The following SOWAHB variants were observed in gnomAD, a reference collection of about 807,000 sequenced individuals.
SOWAHB encodes the protein sosondowah ankyrin repeat domain family member B, also known as ankyrin repeat domain-containing protein SOWAHB.
SOWAHB carries 17 observed loss-of-function variants against 18.3 expected under a neutral mutation model. The observed-to-expected ratio is 0.93, with a 90% confidence interval of 0.64 to 1.40. SOWAHB has a LOEUF of 1.40. SOWAHB is among the 40% of genes most tolerant of loss of function. The pLI is 0.00. For synonymous variants in SOWAHB, 496 were observed against 448.1 expected, an observed-to-expected ratio of 1.11 and a Z score of -1.35; for missense variants, 1,126 against 1,033.7, an observed-to-expected ratio of 1.09 and a Z score of -1.22.
Position 76,897,635 on chromosome 4 carries a change from A to T in SOWAHB, c.215T>A (p.Val72Glu). 5 of 1,612,084 alleles carry T rather than the reference A, an allele frequency of 3.1e-6. No homozygotes were observed. The highest frequency in any genetic ancestry group is 4.2e-6 in the Non-Finnish European group (5 of 1,179,848). The change falls in exon 1 of 1, where the codon GTG (valine) becomes GAG (glutamate). Residue 72 changes from valine (V) to glutamate (E), a missense_variant. Val to Glu is a moderately radical substitution (Grantham distance 121). Coordinates refer to ENST00000334306, the MANE Select transcript of SOWAHB (RefSeq NM_001029870.3). The surrounding 1 kb of genome is among the most constrained non-coding windows in gnomAD (Gnocchi z 6.4). The stretch of plus-strand genomic sequence containing the variant: ...AAGGTCCCTGTATCTCCTCTTGAGC[A>T]CCACGTACTTGGTGCCGTCGGGGTC... The part of the protein sequence containing the change: ...RQDPDGTKYV[V>E]LKRRYRDLLG...
rs772504558 is a variant in SOWAHB, at chr4:76,897,430, G to C, written c.420C>G (p.Ala140=). 3.3e-6 allele frequency: 5 copies of C among 1,514,846 alleles called. No individual in the cohort carries two copies. The highest frequency in any genetic ancestry group is 4.4e-6 in the Non-Finnish European group (5 of 1,138,738). 93.8% of individuals were successfully genotyped at this position (1,514,846 alleles called of 1,614,324 possible). Residue 140 remains alanine (A), a synonymous_variant, in exon 1 of 1, where the codon GCC becomes GCG. Transcript: ENST00000334306. This position sits in a 1 kb window ranked among gnomAD's most constrained non-coding sequence, Gnocchi z 6.4. ...EEEPAGAAAR[A]ADAACNGLPG... is the part of the protein sequence containing the mutation. The stretch of plus-strand genomic sequence containing the variant: ...GGAGTCCATTGCAAGCTGCGTCGGC[G>C]GCTCTGGCTGCTGCACCTGCTGGCT...
At position 76,897,474 on chromosome 4, in the gene SOWAHB, C is replaced by G. The variant is rs1028464457; in HGVS notation, c.376G>C (p.Glu126Gln). The change falls in exon 1 of 1, where the codon GAG becomes CAG. Residue 126 changes from glutamate to glutamine, a missense_variant. Coordinates refer to ENST00000334306, the MANE Select transcript of SOWAHB (RefSeq NM_001029870.3). The surrounding 1 kb of genome is among the most constrained non-coding windows in gnomAD (Gnocchi z 6.4). ...PQQQPRRRRREKEPEEEPAGA... is the reference protein window; with the variant it reads ...PQQQPRRRRRQKEPEEEPAGA... ...GCTGGCTCCTCCTCCGGCTCCTTCT[C>G]GCGCCGCCGCCGCCTGGGCTGCTGC... The G allele has an allele frequency of 2.0e-6, 3 of 1,487,578 alleles. No homozygotes were observed. The highest frequency in any genetic ancestry group is 2.7e-6 in the Non-Finnish European group (3 of 1,126,238). The allele number at this position is 1,487,578 out of a possible 1,614,324, so 92.1% of individuals were successfully genotyped here.
In SOWAHB at chr4:76,896,042, T is replaced by G. The variant is rs906269985; in HGVS notation, c.1808A>C (p.Lys603Thr). 1.9e-6 allele frequency: 3 copies of G among 1,610,494 alleles called. No individual in the cohort carries two copies. Among genetic ancestry groups the G allele is most frequent in the African/African-American group, 2.7e-5 (2 of 74,828 alleles). ...LDAREHEWIV[K>T]LASGSWIQVW... ...CTGAATCCAGGAGCCACTGGCAAGC[T>G]TCACAATCCACTCATGCTCCCTGGC... The change falls in exon 1 of 1, where the codon AAG becomes ACG. Residue 603 changes from lysine to threonine, a missense_variant. Coordinates refer to ENST00000334306, the MANE Select transcript of SOWAHB (RefSeq NM_001029870.3).
chr4:76,895,963 C>G lies in SOWAHB; in HGVS notation c.1887G>C (p.Leu629Phe). 4.3e-6 allele frequency: 7 copies of G among 1,614,120 alleles called. No individual in the cohort carries two copies. Among genetic ancestry groups the G allele is most frequent in the East Asian group, 2.2e-5 (1 of 44,876 alleles). ...TCCAGTGCAACGCAGTGTACCCAGT[C>G]AAAAAGTCTTTGTGCAAGGCCAGTT... ...DPQLALHKDF[L>F]TGYTALHWIA... is the part of the protein sequence containing the mutation. The change falls in exon 1 of 1, where the codon TTG becomes TTC. Residue 629 changes from leucine to phenylalanine, a missense_variant. Coordinates refer to ENST00000334306, the MANE Select transcript of SOWAHB (RefSeq NM_001029870.3).
Position 76,897,104 on chromosome 4 carries a change from G to T in SOWAHB, c.746C>A (p.Pro249Gln). Residue 249 changes from proline (P) to glutamine (Q), a missense_variant, in exon 1 of 1, where the codon CCG becomes CAG. Coordinates refer to ENST00000334306, the MANE Select transcript of SOWAHB (RefSeq NM_001029870.3). This position sits in a 1 kb window ranked among gnomAD's most constrained non-coding sequence, Gnocchi z 6.4. ...REREEGALAE[P>Q]APVPAVAHSP... ...GTGAGCCACTGCAGGCACAGGCGCC[G>T]GCTCAGCTAGCGCGCCTTCTTCCCG... The T allele has an allele frequency of 1.3e-6, 2 of 1,537,582 alleles. No individual in the cohort carries two copies. The highest frequency in any genetic ancestry group is 3.4e-4 in the Middle Eastern group (2 of 5,934).
Position 76,895,718 on chromosome 4 carries a change from A to C in SOWAHB, c.2132T>G (p.Leu711Arg), listed in dbSNP as rs1719894103. The C allele has an allele frequency of 1.2e-6, 2 of 1,614,134 alleles. No individual in the cohort carries two copies. Among genetic ancestry groups the C allele is most frequent in the Non-Finnish European group, 1.7e-6 (2 of 1,180,054 alleles). Reference sequence around the variant, plus strand: ...TATTTCCCCAGAGGTATTACTGGTTAGATACTGCCATGGCTTCTTCCCACT... The same window carrying C: ...TATTTCCCCAGAGGTATTACTGGTTCGATACTGCCATGGCTTCTTCCCACT... ...DSSGKKPWQY[L>R]TSNTSGEIWQ... is the part of the protein sequence containing the mutation. Residue 711 changes from leucine to arginine, a missense_variant, in exon 1 of 1, where the codon CTA becomes CGA. By Grantham distance (102) the Leu-to-Arg change is moderately radical (BLOSUM62 -2). Transcript: ENST00000334306.
At position 76,896,512 on chromosome 4, in the gene SOWAHB, C is replaced by G. The variant is rs144168746; in HGVS notation, c.1338G>C (p.Arg446=). The G allele has an allele frequency of 1.1e-5, 18 of 1,612,952 alleles. No homozygotes were observed. In the African/African-American group the frequency reaches 2.3e-4, roughly 20 times the overall value. ...RNPAGGLSVS[R]KEGSPSRSPQ... ...GGCTCCGGCTGGGGCTGCCCTCCTT[C>G]CGAGATACAGAAAGGCCCCCAGCTG... is the stretch of plus-strand genomic sequence containing the variant. The change falls in exon 1 of 1, where the codon CGG becomes CGC. Residue 446 remains arginine, a synonymous_variant. Coordinates refer to ENST00000334306, the MANE Select transcript of SOWAHB (RefSeq NM_001029870.3).
rs768462761 is a variant in SOWAHB, at chr4:76,895,878, C to T, written c.1972G>A (p.Gly658Arg). Residue 658 changes from glycine to arginine, a missense_variant, in exon 1 of 1, where the codon GGG (glycine) becomes AGG (arginine). By Grantham distance (125) the Gly-to-Arg change is moderately radical. Transcript: ENST00000334306. Reference sequence around the variant, plus strand: ...CTCACGTTTACATCAAGGACAATCCCTGCCTTCTTTGCTCCAGACACCAAG... The same window carrying T: ...CTCACGTTTACATCAAGGACAATCCTTGCCTTCTTTGCTCCAGACACCAAG... ...QDLVSGAKKA[G>R]IVLDVNVRSS... 2.5e-6 allele frequency: 4 copies of T among 1,614,232 alleles called. No homozygotes were observed. The East Asian group carries it at 6.7e-5, about 27-fold the overall frequency.
In SOWAHB at chr4:76,896,399, G is replaced by A. The variant is rs1158767092; in HGVS notation, c.1451C>T (p.Pro484Leu). ...ANGLAGHPLK[P>L]LPWPVPKLRR... Reference sequence around the variant, plus strand: ...TAACTTAGGAACTGGCCAAGGCAAAGGCTTCAGGGGGTGGCCTGCAAGGCC... The same window carrying A: ...TAACTTAGGAACTGGCCAAGGCAAAAGCTTCAGGGGGTGGCCTGCAAGGCC... Residue 484 changes from proline to leucine, a missense_variant, in exon 1 of 1, where the codon CCT (proline) becomes CTT (leucine). Coordinates refer to ENST00000334306, the MANE Select transcript of SOWAHB (RefSeq NM_001029870.3). The A allele has an allele frequency of 2.5e-6, 4 of 1,599,500 alleles. No homozygotes were observed. The African/African-American group carries it at 4.0e-5, about 16-fold the overall frequency.
Position 76,897,687 on chromosome 4 carries a change from C to T in SOWAHB, c.163G>A (p.Val55Ile), listed in dbSNP as rs757666923. Reference protein sequence around the residue: ...QHRRELFKGFVNSVAAVRQDP... With the variant: ...QHRRELFKGFINSVAAVRQDP... ...TGGCGCACTGCGGCGACCGAGTTGACGAAGCCCTTGAAGAGCTCGCGGCGG... is the reference window on the plus strand; with the variant it reads ...TGGCGCACTGCGGCGACCGAGTTGATGAAGCCCTTGAAGAGCTCGCGGCGG... Residue 55 changes from valine (V) to isoleucine (I), a missense_variant, in exon 1 of 1, where the codon GTC (valine) becomes ATC (isoleucine). Val to Ile is a conservative substitution (Grantham distance 29). Coordinates refer to ENST00000334306, the MANE Select transcript of SOWAHB (RefSeq NM_001029870.3). This position sits in a 1 kb window ranked among gnomAD's most constrained non-coding sequence, Gnocchi z 6.4. 1 of 1,612,046 alleles carries T rather than the reference C, an allele frequency of 6.2e-7. No homozygotes were observed. The highest frequency in any genetic ancestry group is 1.1e-5 in the South Asian group (1 of 91,070).
rs1161733351 is a variant in SOWAHB at position 76,897,803 on chromosome 4, T to C, written c.47A>G (p.Gln16Arg). ...AGCGTTGGTCACGCGGCCCCCAGCC[T>C]GGCACAGAAAGTCCAGTAGTGCCTC... is the stretch of plus-strand genomic sequence containing the variant. ...SQEALLDFLC[Q>R]AGGRVTNAAL... is the part of the protein sequence containing the mutation. The change falls in exon 1 of 1, where the codon CAG becomes CGG. Residue 16 changes from glutamine (Q) to arginine (R), a missense_variant. By Grantham distance (43) the Gln-to-Arg change is conservative. Transcript: ENST00000334306. The surrounding 1 kb of genome is among the most constrained non-coding windows in gnomAD (Gnocchi z 6.4). The C allele has an allele frequency of 6.2e-7, 1 of 1,600,672 alleles. No individual in the cohort carries two copies. Among genetic ancestry groups the C allele is most frequent in the Non-Finnish European group, 8.5e-7 (1 of 1,179,840 alleles).
Position 76,896,394 on chromosome 4 carries a change from G to T in SOWAHB, c.1456C>A (p.Pro486Thr). ...CTCCTTAACTTAGGAACTGGCCAAGGCAAAGGCTTCAGGGGGTGGCCTGCA... is the reference window on the plus strand; with the variant it reads ...CTCCTTAACTTAGGAACTGGCCAAGTCAAAGGCTTCAGGGGGTGGCCTGCA... Reference protein sequence around the residue: ...GLAGHPLKPLPWPVPKLRRSL... With the variant: ...GLAGHPLKPLTWPVPKLRRSL... The change falls in exon 1 of 1, where the codon CCT becomes ACT. Residue 486 changes from proline (P) to threonine (T), a missense_variant. Pro to Thr is a conservative substitution (Grantham distance 38). Coordinates refer to ENST00000334306, the MANE Select transcript of SOWAHB (RefSeq NM_001029870.3). 6.3e-7 allele frequency: 1 copy of T among 1,599,540 alleles called. No homozygotes were observed. Among genetic ancestry groups the T allele is most frequent in the African/African-American group, 1.3e-5 (1 of 74,340 alleles).
chr4:76,898,072 G>T lies in SOWAHB; in HGVS notation c.-223C>A, dbSNP rs1719980608. The T allele has an allele frequency of 1.9e-6, 1 of 534,618 alleles. No individual in the cohort carries two copies. The highest frequency in any genetic ancestry group is 3.3e-6 in the Non-Finnish European group (1 of 307,568). The allele number at this position is 534,618 out of a possible 1,614,324, so 33.1% of individuals were successfully genotyped here. A position where few individuals can be genotyped will look rare whatever the true frequency, so the allele number is the denominator to read the frequency against. The stretch of plus-strand genomic sequence containing the variant: ...AGGCTGAGTCCCCGCGGCAGTCTGC[G>T]TGAGAGAGGGCGGCTCCGAGGCCGC... On this transcript the variant is annotated 5_prime_UTR_variant, in exon 1 of 1. Coordinates refer to ENST00000334306, the MANE Select transcript of SOWAHB (RefSeq NM_001029870.3).
In SOWAHB at chr4:76,894,738, A is replaced by C. The variant is rs1359717304; in HGVS notation, c.*730T>G. 6.6e-6 allele frequency among the ~76,000 whole-genome samples: 1 copy of C among 152,210 alleles called. No homozygotes were observed. Among genetic ancestry groups the C allele is most frequent in the East Asian group, 1.9e-4 (1 of 5,194 alleles). On this transcript the variant is annotated 3_prime_UTR_variant, in exon 1 of 1. Coordinates refer to ENST00000334306, the MANE Select transcript of SOWAHB (RefSeq NM_001029870.3). ...TCCCTTCGGGTTGATACAAAAAAGC[A>C]GGGCCTGAATGACAGTCATTCCTCT...
Position 76,898,050 on chromosome 4 carries a change from C to G in SOWAHB, c.-201G>C, listed in dbSNP as rs894514702. The G allele has an allele frequency of 1.8e-6, 1 of 571,416 alleles. No homozygotes were observed. The highest frequency in any genetic ancestry group is 3.0e-6 in the Non-Finnish European group (1 of 330,628). The allele number at this position is 571,416 out of a possible 1,614,324, so 35.4% of individuals were successfully genotyped here. On this transcript the variant is annotated 5_prime_UTR_variant, in exon 1 of 1. Transcript: ENST00000334306. ...GGGTCCCCTCCGGGTGGCCCCAAGGCTGAGTCCCCGCGGCAGTCTGCGTGA... is the reference window on the plus strand; with the variant it reads ...GGGTCCCCTCCGGGTGGCCCCAAGGGTGAGTCCCCGCGGCAGTCTGCGTGA...
At position 76,897,211 on chromosome 4, in the gene SOWAHB, G is replaced by A. The variant is rs1204013646; in HGVS notation, c.639C>T (p.Gly213=). 13 of 1,581,972 alleles carry A rather than the reference G, an allele frequency of 8.2e-6. No homozygotes were observed. The highest frequency in any genetic ancestry group is 1.1e-5 in the South Asian group (1 of 87,856). Residue 213 remains glycine (G), a synonymous_variant, in exon 1 of 1, where the codon GGC becomes GGT. Coordinates refer to ENST00000334306, the MANE Select transcript of SOWAHB (RefSeq NM_001029870.3). This position sits in a 1 kb window ranked among gnomAD's most constrained non-coding sequence, Gnocchi z 6.4. The part of the protein sequence containing the change: ...NNLAVLPGEL[G]ALPHSATAEE... Reference sequence around the variant, plus strand: ...CCGCGGTGGCCGAGTGCGGGAGTGCGCCGAGCTCTCCCGGCAGTACAGCCA... The same window carrying A: ...CCGCGGTGGCCGAGTGCGGGAGTGCACCGAGCTCTCCCGGCAGTACAGCCA...
chr4:76,897,428 G>A lies in SOWAHB; in HGVS notation c.422C>T (p.Ala141Val). The A allele has an allele frequency of 4.6e-6, 7 of 1,517,384 alleles. No individual in the cohort carries two copies. Among genetic ancestry groups the A allele is most frequent in the Non-Finnish European group, 6.1e-6 (7 of 1,139,772 alleles). The allele number at this position is 1,517,384 out of a possible 1,614,324, so 94.0% of individuals were successfully genotyped here. Reference protein sequence around the residue: ...EEPAGAAARAADAACNGLPGS... With the variant: ...EEPAGAAARAVDAACNGLPGS... The stretch of plus-strand genomic sequence containing the variant: ...CGGGAGTCCATTGCAAGCTGCGTCG[G>A]CGGCTCTGGCTGCTGCACCTGCTGG... The change falls in exon 1 of 1, where the codon GCC (alanine) becomes GTC (valine). Residue 141 changes from alanine to valine, a missense_variant. Ala to Val is a moderately conservative substitution (Grantham distance 64). Coordinates refer to ENST00000334306, the MANE Select transcript of SOWAHB (RefSeq NM_001029870.3). This position sits in a 1 kb window ranked among gnomAD's most constrained non-coding sequence, Gnocchi z 6.4.
At position 76,897,292 on chromosome 4, in the gene SOWAHB, G is replaced by A. The variant is rs13146119; in HGVS notation, c.558C>T (p.Ser186=). The change falls in exon 1 of 1, where the codon AGC becomes AGT. Residue 186 remains serine (S), a synonymous_variant. Coordinates refer to ENST00000334306, the MANE Select transcript of SOWAHB (RefSeq NM_001029870.3). The surrounding 1 kb of genome is among the most constrained non-coding windows in gnomAD (Gnocchi z 6.4). ...GGCCCTGCGTCTTCGCCGCCGCGCA[G>A]CTCGCTCTCGCCTGGGCCCCTGCCG... ...AAAAGAQARA[S]CAAAKTQGRC... is the part of the protein sequence containing the mutation. 2 of 1,542,494 alleles carry A rather than the reference G, an allele frequency of 1.3e-6. No individual in the cohort carries two copies. The highest frequency in any genetic ancestry group is 1.7e-6 in the Non-Finnish European group (2 of 1,150,762).
chr4:76,896,315 T>G lies in SOWAHB; in HGVS notation c.1535A>C (p.Glu512Ala). 6.2e-7 allele frequency: 1 copy of G among 1,606,968 alleles called. No individual in the cohort carries two copies. The highest frequency in any genetic ancestry group is 2.2e-5 in the East Asian group (1 of 44,610). The change falls in exon 1 of 1, where the codon GAG becomes GCG. Residue 512 changes from glutamate to alanine, a missense_variant. By Grantham distance (107) the Glu-to-Ala change is moderately radical. Coordinates refer to ENST00000334306, the MANE Select transcript of SOWAHB (RefSeq NM_001029870.3). Reference protein sequence around the residue: ...AGRAKLSSSDEEYLDEGLLKR... With the variant: ...AGRAKLSSSDAEYLDEGLLKR... ...CAGCAAGCCCTCATCGAGGTACTCCTCATCAGAGGAGGACAATTTGGCTCT... is the reference window on the plus strand; with the variant it reads ...CAGCAAGCCCTCATCGAGGTACTCCGCATCAGAGGAGGACAATTTGGCTCT...
Sources: gnomAD v4.1 joint callset for allele counts (sites outside exome capture counted in the v4.1 genomes callset) on GRCh38, gnomAD v4.1.1 for gene constraint, Gnocchi (gnomAD v3.1) non-coding constraint, MANE v1.5 for transcripts, NCBI Gene and HGNC (gene_info 2026-07-23, HGNC 2026-07-21) for gene names.